Variants in CMTM8 observed in about 807,000 individuals in gnomAD.
The protein encoded by CMTM8 is CKLF like MARVEL transmembrane domain containing 8, also known as CKLF-like MARVEL transmembrane domain-containing protein 8.
A neutral mutation model predicts 18.6 loss-of-function variants in CMTM8; 12 were observed. The ratio of observed to expected loss-of-function variants is 0.65; its 90% confidence interval spans 0.41 to 1.05. CMTM8 has a LOEUF of 1.05. Among genes scored for constraint, CMTM8 ranks in the 50% least tolerant of loss-of-function variants. The pLI is 0.00. For missense variants in CMTM8, 217 were observed against 227.2 expected, an observed-to-expected ratio of 0.95 and a Z score of 0.29; for synonymous variants, 87 against 90.6, an observed-to-expected ratio of 0.96 and a Z score of 0.23.
rs552050058 is a variant in CMTM8, at chr3:32,329,187, T to A, written c.148-28186T>A. ...TTTAAGCGATTCTCTTGCCTCAGCC[T>A]CCTGAGTAGCTGGGATTACGGGTGC... On this transcript the variant is annotated intron_variant, in intron 1 of 3. Transcript: ENST00000307526. Among the ~76,000 whole-genome samples, 3 of 152,288 alleles carry A rather than the reference T, an allele frequency of 2.0e-5. No homozygotes were observed. The East Asian group carries it at 5.8e-4, about 29-fold the overall frequency.
intron 1 of CMTM8, among the ~76,000 whole-genome samples, chr3:32,266,679 T>A (rs1702351884): frequency 6.6e-6 from 1 of 152,236 alleles, no homozygotes; most frequent in African/African-American, 2.4e-5. Context: ...TGTTTGCAGA[T>A]GACATGATTG....
chr3:32,250,644 C>T (rs533236196), intron 1 of CMTM8, among the ~76,000 whole-genome samples: 2 of 152,012 alleles, frequency 1.3e-5, no homozygotes, highest in African/African-American at 4.8e-5. Flanking sequence ...CTTTTTGATG[C>T]TATTTTATTT....
In CMTM8 at chr3:32,269,945, T is replaced by C. The variant is rs74868538; in HGVS notation, c.147+30826T>C. On this transcript the variant is annotated intron_variant, in intron 1 of 3. Transcript: ENST00000307526. Reference sequence around the variant, plus strand: ...GGCTTGCACTACCATGCCTGGCTAATTTTTTTTTTTTGAGACGGGGGTCTC... The same window carrying C: ...GGCTTGCACTACCATGCCTGGCTAACTTTTTTTTTTTGAGACGGGGGTCTC... 2.1e-4 allele frequency among the ~76,000 whole-genome samples: 30 copies of C among 141,484 alleles called. No individual in the cohort carries two copies. In the East Asian group the frequency reaches 4.0e-3, roughly 19 times the overall value. 92.8% of individuals were successfully genotyped at this position (141,484 alleles called of 152,430 possible).
intron 1 of CMTM8, among the ~76,000 whole-genome samples, chr3:32,247,345 C>T (rs1178427039): frequency 6.6e-6 from 1 of 152,136 alleles, no homozygotes; most frequent in East Asian, 1.9e-4. Context: ...TGGAGTCTCA[C>T]TCTTTCGCCC....
chr3:32,342,257 C>CA (rs1217796492), intron 1 of CMTM8, among the ~76,000 whole-genome samples: 5 of 151,984 alleles, frequency 3.3e-5, no homozygotes, highest in Non-Finnish European at 7.4e-5. Context: ...CAAAAAAACC[C>CA]AAAAAACAAA....
chr3:32,353,798 T>G (rs914512212), intron 1 of CMTM8, among the ~76,000 whole-genome samples: 1 of 151,342 alleles, frequency 6.6e-6, no homozygotes, highest in Non-Finnish European at 1.5e-5. Flanking sequence ...TTTTTTTTTT[T>G]TTTTGAGACG....
intron 1 of CMTM8, among the ~76,000 whole-genome samples, chr3:32,260,560 T>C (rs1391823665): frequency 1.3e-5 from 2 of 152,204 alleles, no homozygotes; most frequent in African/African-American, 2.4e-5. Flanking sequence ...TTCAACTGTA[T>C]ACTTTCTAGT....
rs1367409372 is a variant in CMTM8, at chr3:32,366,820, G to C, written c.322-1052G>C. On this transcript the variant is annotated intron_variant, in intron 2 of 3. Coordinates refer to ENST00000307526, the MANE Select transcript of CMTM8 (RefSeq NM_178868.5). ...CCTAATGAGTCATTTAGTGAGACCA[G>C]GGCTTCTTAGGGGACAGTTTCGGCA... is the stretch of plus-strand genomic sequence containing the variant. Among the ~76,000 whole-genome samples the C allele has an allele frequency of 2.0e-5, 3 of 151,302 alleles. No individual in the cohort carries two copies. In the East Asian group the frequency reaches 5.9e-4, roughly 30 times the overall value.
At chr3:32,360,299 T>C (rs1308332906) in intron 2 of CMTM8, among the ~76,000 whole-genome samples, 2 of 152,230 alleles carry the variant, frequency 1.3e-5, no homozygotes, top group African/African-American at 4.8e-5. Context: ...AATCTAGAAA[T>C]CTGGGCTTTG....
At chr3:32,264,841 C>T (rs1292666397) in intron 1 of CMTM8, among the ~76,000 whole-genome samples, 1 of 152,044 alleles carries the variant, frequency 6.6e-6, no homozygotes, top group African/African-American at 2.4e-5. Context: ...CAACAAAGAT[C>T]AAAAGAGACA....
At chr3:32,268,777 A>C (rs922245118) in intron 1 of CMTM8, among the ~76,000 whole-genome samples, 3 of 152,170 alleles carry the variant, frequency 2.0e-5, no homozygotes, top group Non-Finnish European at 4.4e-5. Context: ...CTAAAAAGCT[A>C]TGGGGTGGTC....
chr3:32,275,884 A>C (rs1036517373), intron 1 of CMTM8, among the ~76,000 whole-genome samples: 1 of 152,068 alleles, frequency 6.6e-6, no homozygotes, highest in Non-Finnish European at 1.5e-5. Flanking sequence ...TCCTGGCCTC[A>C]AGTGATCTGC....
intron 1 of CMTM8, among the ~76,000 whole-genome samples, chr3:32,298,898 TAC>T (rs1212960579): frequency 2.4e-4 from 32 of 135,950 alleles, no homozygotes; most frequent in South Asian, 4.6e-4. Flanking sequence ...TATACACACA[TAC>T]ACACACACAC....
intron 1 of CMTM8, among the ~76,000 whole-genome samples, chr3:32,242,762 C>CCCCA (rs1701959932): frequency 6.6e-6 from 1 of 152,166 alleles, no homozygotes; most frequent in Non-Finnish European, 1.5e-5. Context: ...TCCCAGTGTA[C>CCCCA]TGGGCACCTG....
chr3:32,313,695 T>C (rs1203240661), intron 1 of CMTM8, among the ~76,000 whole-genome samples: 1 of 152,124 alleles, frequency 6.6e-6, no homozygotes, highest in Non-Finnish European at 1.5e-5. Context: ...GGGGGTTTAG[T>C]GCTCTGGAAT....
At chr3:32,335,623 A>C (rs1696371672) in intron 1 of CMTM8, among the ~76,000 whole-genome samples, 1 of 152,148 alleles carries the variant, frequency 6.6e-6, no homozygotes, top group Non-Finnish European at 1.5e-5. Context: ...CTGTGGGGGC[A>C]AAGGCTAATT....
At chr3:32,350,543 C>T (rs532778461) in intron 1 of CMTM8, among the ~76,000 whole-genome samples, 10 of 132,598 alleles carry the variant, frequency 7.5e-5, no homozygotes, top group South Asian at 2.5e-4. Context: ...TTTTTTGAGA[C>T]GGAGTCTCGC....
At chr3:32,266,448 C>T (rs528170576) in intron 1 of CMTM8, among the ~76,000 whole-genome samples, 81 of 152,260 alleles carry the variant, frequency 5.3e-4, no homozygotes, top group African/African-American at 1.8e-3. Context: ...ATTGATGGGA[C>T]GTATCTCAAA....
At chr3:32,285,803 C>T (rs530386900) in intron 1 of CMTM8, among the ~76,000 whole-genome samples, 1 of 152,270 alleles carries the variant, frequency 6.6e-6, no homozygotes, top group African/African-American at 2.4e-5. Context: ...TAATTCTTAA[C>T]TACCTATTTG....
Sources: gnomAD v4.1 joint callset for allele counts (sites outside exome capture counted in the v4.1 genomes callset) on GRCh38, gnomAD v4.1.1 for gene constraint, MANE v1.5 for transcripts, NCBI Gene and HGNC (gene_info 2026-07-23, HGNC 2026-07-21) for gene names.